Variants in NAV2 observed in about 807,000 individuals in gnomAD.
NAV2 encodes neuron navigator 2.
In NAV2, 54 loss-of-function variants were observed where a neutral mutation model predicts 223.2. The ratio of observed to expected loss-of-function variants is 0.24; its 90% CI spans 0.19 to 0.30. NAV2 has a LOEUF of 0.30. Ranked by LOEUF, NAV2 falls within the 10% of genes least tolerant of loss-of-function variation. The pLI is 1.00. For synonymous variants in NAV2, 1,279 were observed against 1,239.3 expected, an observed-to-expected ratio of 1.03 and a Z score of -0.67; for missense variants, 2,806 against 3,147.5, an observed-to-expected ratio of 0.89 and a Z score of 2.60.
chr11:19,518,910 C>T (rs1193338165), intron 1 of NAV2, among the ~76,000 whole-genome samples: 1 of 152,082 alleles, frequency 6.6e-6, no homozygotes, highest in Non-Finnish European at 1.5e-5. Context: ...GATCCACATC[C>T]TTATAAAAGG....
At chr11:19,932,257 A>AAAAGAAAG (rs1555153007) in intron 6 of NAV2, among the ~76,000 whole-genome samples, 23 of 99,998 alleles carry the variant, frequency 2.3e-4, no homozygotes, top group African/African-American at 6.2e-4. Flanking sequence ...AAAAAAAAAA[A>AAAAGAAAG]AAAGAAAGAA....
intron 1 of NAV2, among the ~76,000 whole-genome samples, chr11:19,600,923 C>T (rs1334069331): frequency 6.6e-6 from 1 of 152,188 alleles, no homozygotes; most frequent in African/African-American, 2.4e-5. Context: ...TTCTACTATA[C>T]CATGTGACTT....
rs755615833 is a variant in NAV2 at position 19,750,526 on chromosome 11, T to C, written c.267+36564T>C. 2.0e-5 allele frequency among the ~76,000 whole-genome samples: 3 copies of C among 152,208 alleles called. No individual in the cohort carries two copies. In the East Asian group the frequency reaches 5.8e-4, roughly 29 times the overall value. On this transcript the variant is annotated intron_variant, in intron 1 of 37. Transcript: ENST00000349880. Reference sequence around the variant, plus strand: ...CCAGGTAGTTTTAATATTAGTGAGATATGGCTAACTCTATCCCACCTTCCT... The same window carrying C: ...CCAGGTAGTTTTAATATTAGTGAGACATGGCTAACTCTATCCCACCTTCCT...
At chr11:19,950,790 C>T (rs762520665) in intron 10 of NAV2, among the ~76,000 whole-genome samples, 10 of 152,196 alleles carry the variant, frequency 6.6e-5, no homozygotes, top group African/African-American at 1.2e-4. Flanking sequence ...AATGTATATA[C>T]ACAGAAGCCT....
chr11:19,557,244 C>T (rs984134374), intron 1 of NAV2, among the ~76,000 whole-genome samples: 4 of 152,144 alleles, frequency 2.6e-5, no homozygotes, highest in East Asian at 1.9e-4. Flanking sequence ...TTGATGCCAG[C>T]GGAGGTTAAG....
At chr11:20,080,612 A>T (rs1446791249) in intron 25 of NAV2, among the ~76,000 whole-genome samples, 1 of 152,184 alleles carries the variant, frequency 6.6e-6, no homozygotes, top group Non-Finnish European at 1.5e-5. Context: ...TTTAGCCGTA[A>T]TCTTTATCTA....
intron 5 of NAV2, among the ~76,000 whole-genome samples, 189 bp from the exon 6 acceptor site, chr11:19,892,245 G>C (rs558320348): frequency 7.4e-4 from 113 of 152,318 alleles, no homozygotes; most frequent in Non-Finnish European, 2.9e-4. Context: ...ACATTTTGCT[G>C]TTGGACTTTG....
chr11:20,047,441 C>T (rs1208084965), intron 14 of NAV2, among the ~76,000 whole-genome samples: 2 of 151,964 alleles, frequency 1.3e-5, no homozygotes, highest in African/African-American at 2.4e-5. Context: ...ACTAACAGAC[C>T]AAAGATTAGA....
intron 3 of NAV2, among the ~76,000 whole-genome samples, chr11:19,852,644 G>A (rs1198237337): frequency 6.6e-6 from 1 of 152,190 alleles, no homozygotes; most frequent in Non-Finnish European, 1.5e-5. Context: ...TAACATTTAA[G>A]CAAATGTTAG....
At chr11:20,051,183 G>A in intron 16 of NAV2, 106 bp from the exon 17 acceptor site, 3 of 882,146 alleles carry the variant, frequency 3.4e-6, no homozygotes, top group Non-Finnish European at 5.8e-6. Flanking sequence ...TCCTGGTGAT[G>A]TGCACCTCTT....
chr11:19,568,119 C>T (rs2045325328), intron 1 of NAV2, among the ~76,000 whole-genome samples: 2 of 152,194 alleles, frequency 1.3e-5, no homozygotes, highest in Admixed American at 1.3e-4. Flanking sequence ...GTCAGAGAAC[C>T]AGTGCCTGTG....
intron 4 of NAV2, among the ~76,000 whole-genome samples, chr11:19,872,671 G>T (rs1268916539): frequency 6.6e-6 from 1 of 152,230 alleles, no homozygotes; most frequent in African/African-American, 2.4e-5. Context: ...CACTCAGGAG[G>T]GTGTATGCAC....
chr11:19,840,599 A>G (rs938359397), intron 2 of NAV2, among the ~76,000 whole-genome samples: 3 of 152,188 alleles, frequency 2.0e-5, no homozygotes, highest in African/African-American at 4.8e-5. Context: ...ATTCTCTCCA[A>G]TGTTGAGTGT....
chr11:19,537,274 C>CAAT lies in NAV2; in HGVS notation c.75+186259_75+186261dup, dbSNP rs57609185. 2.0e-5 allele frequency among the ~76,000 whole-genome samples: 3 copies of CAAT among 152,066 alleles called. No individual in the cohort carries two copies. The East Asian group carries it at 5.8e-4, about 29-fold the overall frequency. ...CTAGGTCAATAACAACAACTAATAA[C>CAAT]AATAATAATAATAACAACACCCACC... On this transcript the variant is annotated intron_variant, in intron 1 of 37. Coordinates refer to the NAV2 transcript ENST00000360655.
intron 16 of NAV2, among the ~76,000 whole-genome samples, chr11:20,051,040 G>T (rs895696654): frequency 6.6e-6 from 1 of 152,230 alleles, no homozygotes; most frequent in Non-Finnish European, 1.5e-5. Context: ...AACAATTGGG[G>T]TTAAGGGACT....
chr11:19,644,716 G>A (rs2135588207), intron 1 of NAV2, among the ~76,000 whole-genome samples: 1 of 152,342 alleles, frequency 6.6e-6, no homozygotes, highest in African/African-American at 2.4e-5. Flanking sequence ...AACTGGTTGG[G>A]GTGTGGACCT....
At chr11:19,634,505 G>A (rs773495255) in intron 1 of NAV2, among the ~76,000 whole-genome samples, 11 of 152,052 alleles carry the variant, frequency 7.2e-5, no homozygotes, top group Non-Finnish European at 1.6e-4. Context: ...TTTTAATTGT[G>A]TAAAAAGAAA....
intron 11 of NAV2, among the ~76,000 whole-genome samples, chr11:19,997,826 A>G (rs955463013): frequency 6.6e-6 from 1 of 152,224 alleles, no homozygotes; most frequent in South Asian, 2.1e-4. Flanking sequence ...GCTTCCTGGC[A>G]TCCTTTACGT....
At chr11:19,413,889 C>T (rs761102339) in intron 1 of NAV2, among the ~76,000 whole-genome samples, 6 of 152,120 alleles carry the variant, frequency 3.9e-5, no homozygotes, top group Non-Finnish European at 5.9e-5. Flanking sequence ...TTTACCACCA[C>T]CAGGCCTGCT....
Sources: allele counts gnomAD v4.1 joint callset (sites outside exome capture counted in the v4.1 genomes callset), GRCh38; gene constraint gnomAD v4.1.1; transcripts MANE v1.5; gene names NCBI Gene and HGNC (gene_info 2026-07-23, HGNC 2026-07-21).